Variants in VPS50 observed in about 807,000 individuals in gnomAD.
The protein encoded by VPS50 is VPS50 subunit of EARP/GARPII complex.
In VPS50, 70 loss-of-function variants were observed where a neutral mutation model predicts 139.7. The ratio of observed to expected loss-of-function variants is 0.50; its 90% CI spans 0.41 to 0.61. The LOEUF is 0.61. VPS50 is among the 20% of genes least tolerant of loss of function. The probability of loss-of-function intolerance (pLI) is 0.00; values close to 1 mark genes in which losing one functional copy is unlikely to be tolerated. For synonymous variants in VPS50, 365 were observed against 376.7 expected, an observed-to-expected ratio of 0.97 and a Z score of 0.36; for missense variants, 921 against 1,133.7, an observed-to-expected ratio of 0.81 and a Z score of 2.69.
At chr7:93,269,236 T>G (rs1235798027) in intron 9 of VPS50, among the ~76,000 whole-genome samples, 1 of 152,120 alleles carries the variant, frequency 6.6e-6, no homozygotes, top group Non-Finnish European at 1.5e-5. Flanking sequence ...TTCATTCACT[T>G]ATTTATCCAT....
chr7:93,353,549 T>G, intron 25 of VPS50, 91 bp from the exon 26 acceptor site: 1 of 1,393,418 alleles, frequency 7.2e-7, no homozygotes, highest in Non-Finnish European at 9.8e-7. Flanking sequence ...TTCTGAGTCT[T>G]TCTAAATCTT....
At chr7:93,342,687 C>G (rs565369558) in intron 23 of VPS50, among the ~76,000 whole-genome samples, 1 of 152,194 alleles carries the variant, frequency 6.6e-6, no homozygotes, top group Non-Finnish European at 1.5e-5. Context: ...GATCCCCGAG[C>G]AGCCGAACTG....
At chr7:93,333,706 A>G (rs1335420724) in intron 21 of VPS50, among the ~76,000 whole-genome samples, 1 of 152,230 alleles carries the variant, frequency 6.6e-6, no homozygotes, top group East Asian at 1.9e-4. Context: ...GCTAATTTGT[A>G]TAAGAAAAAT....
chr7:93,330,021 C>T (rs1216563477), intron 21 of VPS50, among the ~76,000 whole-genome samples: 1 of 151,938 alleles, frequency 6.6e-6, no homozygotes, highest in Non-Finnish European at 1.5e-5. Context: ...TTTCTTTTTC[C>T]ACTTTCTTTA....
At chr7:93,241,248 G>A (rs768115101) in intron 2 of VPS50, among the ~76,000 whole-genome samples, 30 of 152,004 alleles carry the variant, frequency 2.0e-4, no homozygotes, top group Admixed American at 3.3e-4. Context: ...AGTACTGGTT[G>A]GTAGTGAATA....
At chr7:93,290,141 C>A (rs1424354246) in intron 12 of VPS50, among the ~76,000 whole-genome samples, 1 of 151,980 alleles carries the variant, frequency 6.6e-6, no homozygotes, top group East Asian at 1.9e-4. Context: ...TGCTACTTTG[C>A]TGAATTCTTT....
chr7:93,261,644 C>T (rs1383050495), intron 9 of VPS50, among the ~76,000 whole-genome samples: 2 of 146,826 alleles, frequency 1.4e-5, no homozygotes, highest in Non-Finnish European at 3.0e-5. Flanking sequence ...CGCCACTGCA[C>T]TCCCACCTGG....
intron 11 of VPS50, chr7:93,273,527 G>T (rs932557687): frequency 6.6e-6 from 1 of 151,864 alleles, no homozygotes; most frequent in Non-Finnish European, 1.5e-5. Context: ...CTATACCCAA[G>T]AAAAAAATCT....
intron 21 of VPS50, among the ~76,000 whole-genome samples, chr7:93,329,064 A>G (rs1797863893): frequency 6.6e-6 from 1 of 152,244 alleles, no homozygotes; most frequent in Non-Finnish European, 1.5e-5. Context: ...AATCTCCAGA[A>G]TGAAATTGGT....
intron 26 of VPS50, among the ~76,000 whole-genome samples, chr7:93,355,118 TTAA>T (rs1798667349): frequency 2.0e-5 from 3 of 149,998 alleles, no homozygotes; most frequent in Non-Finnish European, 4.4e-5. Context: ...ATACTCTTTT[TTAA>T]AAAAAAAAAA....
At position 93,305,880 on chromosome 7, in the gene VPS50, A is replaced by G. The variant is rs1307966457; in HGVS notation, c.1505A>G (p.Gln502Arg). The change falls in exon 18 of 28, where the codon CAG (glutamine) becomes CGG (arginine). Residue 502 changes from glutamine (Q) to arginine (R), a missense_variant. By Grantham distance (43) the Gln-to-Arg change is conservative (BLOSUM62 1). Coordinates refer to ENST00000305866, the MANE Select transcript of VPS50 (RefSeq NM_017667.4). Reference sequence around the variant, plus strand: ...TCCCCATCAGTTTCACCTAGTAAACAGCCAGTCTCAACTTCTTCAAAAACA... The same window carrying G: ...TCCCCATCAGTTTCACCTAGTAAACGGCCAGTCTCAACTTCTTCAAAAACA... ...SRSPSVSPSKQPVSTSSKTVT... is the reference protein window; with the variant it reads ...SRSPSVSPSKRPVSTSSKTVT... The G allele has an allele frequency of 6.2e-7, 1 of 1,612,582 alleles. No homozygotes were observed. Among genetic ancestry groups the G allele is most frequent in the South Asian group, 1.1e-5 (1 of 91,044 alleles).
intron 15 of VPS50, 147 bp downstream of exon 15, chr7:93,296,983 C>A: frequency 1.4e-6 from 2 of 1,432,040 alleles, no homozygotes; most frequent in South Asian, 1.5e-5. Flanking sequence ...AATATTTCTG[C>A]CCTTTGGGTG....
intron 20 of VPS50, among the ~76,000 whole-genome samples, chr7:93,314,114 T>G (rs888256141): frequency 6.6e-6 from 1 of 152,180 alleles, no homozygotes; most frequent in Non-Finnish European, 1.5e-5. Context: ...CTGTTGTTAT[T>G]GCATAGAAGT....
In VPS50 at chr7:93,256,540, A is replaced by T. The variant is rs146490784; in HGVS notation, c.329A>T (p.Glu110Val). ...AAAAAAGTGGCAGATTTAATCCTTG[A>T]AAAACAGCCTGCTTATGTAAAGGTA... Reference protein sequence around the residue: ...VSKKVADLILEKQPAYVKELE... With the variant: ...VSKKVADLILVKQPAYVKELE... Residue 110 changes from glutamate to valine, a missense_variant, in exon 5 of 28, where the codon GAA becomes GTA. Glu to Val is a moderately radical substitution (Grantham distance 121). Coordinates refer to ENST00000305866, the MANE Select transcript of VPS50 (RefSeq NM_017667.4). The T allele has an allele frequency of 6.8e-7, 1 of 1,462,604 alleles. No individual in the cohort carries two copies. Among genetic ancestry groups the T allele is most frequent in the Non-Finnish European group, 9.2e-7 (1 of 1,091,934 alleles). 90.6% of individuals were successfully genotyped at this position (1,462,604 alleles called of 1,614,324 possible). A position where few individuals can be genotyped will look rare whatever the true frequency, so the allele number is the denominator to read the frequency against.
At chr7:93,337,631 A>G (rs868652336) in intron 22 of VPS50, among the ~76,000 whole-genome samples, 7 of 152,224 alleles carry the variant, frequency 4.6e-5, no homozygotes, top group African/African-American at 7.2e-5. Flanking sequence ...AGATTGTACA[A>G]TATTGTCAGA....
chr7:93,255,834 C>T (rs755142342), intron 4 of VPS50, among the ~76,000 whole-genome samples: 3 of 152,140 alleles, frequency 2.0e-5, no homozygotes, highest in Non-Finnish European at 2.9e-5. Context: ...GGAGCAAACT[C>T]CCTAAATACC....
At chr7:93,269,573 T>C (rs1329828640) in intron 9 of VPS50, among the ~76,000 whole-genome samples, 1 of 152,136 alleles carries the variant, frequency 6.6e-6, no homozygotes, top group East Asian at 1.9e-4. Flanking sequence ...AACTGTGTGC[T>C]TGTATTACAT....
At position 93,343,042 on chromosome 7, in the gene VPS50, G is replaced by A. The variant is rs557140097; in HGVS notation, c.2207+1467G>A. Among the ~76,000 whole-genome samples, 500 of 152,170 alleles carry A rather than the reference G, an allele frequency of 3.3e-3. 2 individuals carry two copies. The highest frequency in any genetic ancestry group is 0.011 in the African/African-American group (475 of 41,478). On this transcript the variant is annotated intron_variant, in intron 23 of 27. Coordinates refer to ENST00000305866, the MANE Select transcript of VPS50 (RefSeq NM_017667.4). ...AGATGATCAAATTACTCCGAGCTAC[G>A]GGAGGACATTCAAACCAAAGGCAAA...
At chr7:93,302,256 C>T (rs375674627) in intron 16 of VPS50, among the ~76,000 whole-genome samples, 2 of 151,880 alleles carry the variant, frequency 1.3e-5, no homozygotes, top group South Asian at 4.1e-4. Context: ...TCAAATATTG[C>T]TTTTGCTTGT....
Sources: gnomAD v4.1 joint callset for allele counts (sites outside exome capture counted in the v4.1 genomes callset) on GRCh38, gnomAD v4.1.1 for gene constraint, MANE v1.5 for transcripts, NCBI Gene and HGNC (gene_info 2026-07-23, HGNC 2026-07-21) for gene names.